GRHL2: variants seen among roughly 807,000 people sequenced by gnomAD.
GRHL2 encodes grainyhead like transcription factor 2.
GRHL2 carries 21 observed loss-of-function variants against 83.8 expected under a neutral mutation model. That is an observed-to-expected ratio of 0.25 (90% CI 0.18 to 0.36). GRHL2 has a LOEUF of 0.36. Ranked by LOEUF, GRHL2 falls within the 10% of genes least tolerant of loss-of-function variation. The probability of loss-of-function intolerance (pLI) is 1.00; values close to 1 mark genes in which losing one functional copy is unlikely to be tolerated. For missense variants in GRHL2, 623 were observed against 781.8 expected, an observed-to-expected ratio of 0.80 and a Z score of 2.42; for synonymous variants, 280 against 278.9, an observed-to-expected ratio of 1.00 and a Z score of -0.04.
rs551060628 is a variant in GRHL2, at chr8:101,633,964, T to C, written c.1485+1599T>C. ...AAAATATACAAAGTGTAAATTAATC[T>C]GAAGAGGAAAAGTGGCCTTACCTAG... On this transcript the variant is annotated intron_variant, in intron 11 of 15. Coordinates refer to ENST00000646743, the MANE Select transcript of GRHL2 (RefSeq NM_024915.4). 4.3e-4 allele frequency among the ~76,000 whole-genome samples: 65 copies of C among 152,328 alleles called. 2 individuals are homozygous for C. Among genetic ancestry groups the C allele is most frequent in the South Asian group, 1.0e-3 (5 of 4,830 alleles).
At chr8:101,655,991 C>T (rs1813776840) in intron 14 of GRHL2, among the ~76,000 whole-genome samples, 1 of 152,226 alleles carries the variant, frequency 6.6e-6, no homozygotes, top group Admixed American at 6.5e-5. Flanking sequence ...CTGAAATGTC[C>T]TTCCTCCATA....
intron 7 of GRHL2, among the ~76,000 whole-genome samples, chr8:101,589,785 G>A (rs1019603617): frequency 3.3e-5 from 5 of 152,098 alleles, no homozygotes; most frequent in Non-Finnish European, 7.4e-5. Context: ...TATATTAATA[G>A]ACGGGTCACT....
chr8:101,544,019 C>G (rs1811210752), intron 2 of GRHL2: 1 of 166,706 alleles, frequency 6.0e-6, no homozygotes, highest in Non-Finnish European at 1.3e-5. Flanking sequence ...ATCACGAGAA[C>G]AGTATGGGGG....
At chr8:101,606,413 T>C (rs1407188780) in intron 8 of GRHL2, among the ~76,000 whole-genome samples, 2 of 152,226 alleles carry the variant, frequency 1.3e-5, no homozygotes, top group Admixed American at 6.5e-5. Flanking sequence ...GATTTTGCTT[T>C]AATACTGACA....
chr8:101,606,388 A>T (rs1420823629), intron 8 of GRHL2, among the ~76,000 whole-genome samples: 1 of 152,198 alleles, frequency 6.6e-6, no homozygotes, highest in Admixed American at 6.5e-5. Context: ...GTTTTGCCCC[A>T]TTGCCTTCCT....
chr8:101,645,294 A>C, intron 13 of GRHL2, among the ~76,000 whole-genome samples: 1 of 151,768 alleles, frequency 6.6e-6, no homozygotes, highest in South Asian at 2.1e-4. Flanking sequence ...CACCACGCCC[A>C]GCTAATTTTT....
At chr8:101,493,706 G>T (rs2129942296) in intron 1 of GRHL2, among the ~76,000 whole-genome samples, 1 of 152,228 alleles carries the variant, frequency 6.6e-6, no homozygotes, top group East Asian at 1.9e-4. Flanking sequence ...CCTTCTCGGG[G>T]TGCTCTCGCC....
rs140273025 is a variant in GRHL2 at position 101,505,241 on chromosome 8, A to G, written c.20+12452A>G. Among the ~76,000 whole-genome samples the G allele has an allele frequency of 5.2e-3, 784 of 152,116 alleles. 6 individuals are homozygous for G. The highest frequency in any genetic ancestry group is 5.6e-3 in the Admixed American group (85 of 15,258). ...AGAAATTCTTCAAACCTCAAATACTATATCTAATATTTTTAAAAAATCATG... is the reference window on the plus strand; with the variant it reads ...AGAAATTCTTCAAACCTCAAATACTGTATCTAATATTTTTAAAAAATCATG... On this transcript the variant is annotated intron_variant, in intron 1 of 15. Coordinates refer to ENST00000646743, the MANE Select transcript of GRHL2 (RefSeq NM_024915.4).
intron 1 of GRHL2, among the ~76,000 whole-genome samples, chr8:101,511,049 G>C (rs1810453513): frequency 6.6e-6 from 1 of 152,026 alleles, no homozygotes. Flanking sequence ...TGCAGTGAGT[G>C]GAGATCGTGC....
chr8:101,603,631 C>G (rs543230496), intron 8 of GRHL2, among the ~76,000 whole-genome samples: 1 of 152,146 alleles, frequency 6.6e-6, no homozygotes, highest in Non-Finnish European at 1.5e-5. Context: ...CCATTGCAGG[C>G]GGATTCTGGC....
At chr8:101,570,802 G>A (rs909993363) in intron 5 of GRHL2, among the ~76,000 whole-genome samples, 2 of 152,174 alleles carry the variant, frequency 1.3e-5, no homozygotes, top group Non-Finnish European at 2.9e-5. Context: ...ACCCCAGCTA[G>A]AGGTAAAGGA....
intron 13 of GRHL2, among the ~76,000 whole-genome samples, chr8:101,645,885 T>A (rs1016404715): frequency 3.9e-5 from 6 of 152,078 alleles, no homozygotes; most frequent in Admixed American, 6.5e-5. Flanking sequence ...TTAAAAAAAA[T>A]TTTTTTTTGA....
intron 4 of GRHL2, chr8:101,562,192 T>C (rs1055718440): frequency 6.5e-6 from 4 of 613,780 alleles, no homozygotes; most frequent in African/African-American, 3.6e-5. Flanking sequence ...CGTTTCTGTT[T>C]GATTTCTTCA....
chr8:101,549,287 C>T lies in GRHL2; in HGVS notation c.217-3428C>T, dbSNP rs564063001. Reference sequence around the variant, plus strand: ...GGGCTGCCTACATTGAGATGGGAGACGTATTTGAGACTACCTACCTGAGAG... The same window carrying T: ...GGGCTGCCTACATTGAGATGGGAGATGTATTTGAGACTACCTACCTGAGAG... On this transcript the variant is annotated intron_variant, in intron 2 of 15. Transcript: ENST00000646743. Among the ~76,000 whole-genome samples, 13 of 152,164 alleles carry T rather than the reference C, an allele frequency of 8.5e-5. No homozygotes were observed. In the South Asian group the frequency reaches 1.7e-3, roughly 19 times the overall value.
At chr8:101,632,587 C>A (rs777816194) in intron 11 of GRHL2, among the ~76,000 whole-genome samples, 9 of 152,134 alleles carry the variant, frequency 5.9e-5, no homozygotes, top group Non-Finnish European at 1.3e-4. Flanking sequence ...ATTAGTGAAG[C>A]CTTGACAAAG....
At chr8:101,549,274 T>C (rs1362553854) in intron 2 of GRHL2, among the ~76,000 whole-genome samples, 1 of 152,120 alleles carries the variant, frequency 6.6e-6, no homozygotes, top group East Asian at 1.9e-4. Context: ...GCTGCCTACA[T>C]TGAGATGGGA....
At chr8:101,577,282 T>C (rs1177454904) in intron 6 of GRHL2, 126 bp from the exon 7 acceptor site, 4 of 713,074 alleles carry the variant, frequency 5.6e-6, no homozygotes, top group African/African-American at 5.2e-5. Context: ...CAAGCTTGTC[T>C]GGGCTTTTCT....
In GRHL2 at chr8:101,609,911, A is replaced by G. The variant is rs1573279; in HGVS notation, c.1099-9628A>G. Among the ~76,000 whole-genome samples the G allele has an allele frequency of 8.6e-5, 13 of 150,620 alleles. 1 individual carries two copies. The highest frequency in any genetic ancestry group is 3.2e-4 in the African/African-American group (13 of 40,194). ...TGTTAAAAACTCAAAACAAGTTTTA[A>G]GTATTAAACATGAACAGAAAAAGCT... On this transcript the variant is annotated intron_variant, in intron 8 of 15. Coordinates refer to ENST00000646743, the MANE Select transcript of GRHL2 (RefSeq NM_024915.4).
At chr8:101,547,507 A>G (rs1327438218) in intron 2 of GRHL2, among the ~76,000 whole-genome samples, 3 of 152,220 alleles carry the variant, frequency 2.0e-5, no homozygotes, top group Non-Finnish European at 4.4e-5. Flanking sequence ...GAACGTGGCA[A>G]AGGCATACCT....
Sources: gnomAD v4.1 joint callset for allele counts (sites outside exome capture counted in the v4.1 genomes callset) on GRCh38, gnomAD v4.1.1 for gene constraint, MANE v1.5 for transcripts, NCBI Gene and HGNC (gene_info 2026-07-23, HGNC 2026-07-21) for gene names.